SEC24B: variants seen among roughly 807,000 people sequenced by gnomAD.
The protein encoded by SEC24B is protein transport protein Sec24B.
In SEC24B, 45 loss-of-function variants were observed where a neutral mutation model predicts 142.8. The observed-to-expected ratio is 0.32, with a 90% CI of 0.25 to 0.40. The LOEUF (loss-of-function observed/expected upper bound fraction) is 0.40. Among genes scored for constraint, SEC24B ranks in the 10% least tolerant of loss-of-function variants. The pLI, the probability that SEC24B is intolerant of heterozygous loss-of-function variation, is 1.00. For synonymous variants in SEC24B, 574 were observed against 568.2 expected, an observed-to-expected ratio of 1.01 and a Z score of -0.15; for missense variants, 1,409 against 1,526.8, an observed-to-expected ratio of 0.92 and a Z score of 1.29.
intron 18 of SEC24B, among the ~76,000 whole-genome samples, chr4:109,528,498 A>T (rs1456422933): frequency 3.3e-5 from 5 of 151,962 alleles, no homozygotes; most frequent in Admixed American, 3.3e-4. Flanking sequence ...AGGGAAAATT[A>T]TCAAATGGTG....
chr4:109,444,362 C>T (rs561907202), intron 1 of SEC24B, among the ~76,000 whole-genome samples: 93 of 151,736 alleles, frequency 6.1e-4, no homozygotes, highest in African/African-American at 2.2e-3. Flanking sequence ...AAAAAGTACT[C>T]TGGTGGTGTT....
In SEC24B at chr4:109,486,267, G is replaced by C. The variant is rs145408432; in HGVS notation, c.1165+4486G>C. On this transcript the variant is annotated intron_variant, in intron 4 of 23. Transcript: ENST00000265175. ...CCTCAACTGTTAGGGAGTGGACATGGAGTTTGAGTTATAGCCTTTTCATGT... is the reference window on the plus strand; with the variant it reads ...CCTCAACTGTTAGGGAGTGGACATGCAGTTTGAGTTATAGCCTTTTCATGT... Among the ~76,000 whole-genome samples, 28 of 152,304 alleles carry C rather than the reference G, an allele frequency of 1.8e-4. No homozygotes were observed. In the East Asian group the frequency reaches 5.0e-3, roughly 27 times the overall value.
At chr4:109,516,759 A>C in intron 11 of SEC24B, 119 bp downstream of exon 11, 1 of 543,900 alleles carries the variant, frequency 1.8e-6, no homozygotes, top group Non-Finnish European at 3.2e-6. Context: ...AACTAAAAAG[A>C]GTACTACTTA....
intron 22 of SEC24B, among the ~76,000 whole-genome samples, chr4:109,536,122 C>T (rs1000042464): frequency 1.3e-5 from 2 of 151,516 alleles, no homozygotes; most frequent in Non-Finnish European, 2.9e-5. Flanking sequence ...ATTGGTAAAA[C>T]TCAACAAATG....
intron 13 of SEC24B, 50 bp downstream of exon 13, chr4:109,521,222 G>T: frequency 1.7e-6 from 2 of 1,169,638 alleles, no homozygotes; most frequent in Non-Finnish European, 2.5e-6. Context: ...TATTGTGACT[G>T]GTAACTAAAA....
chr4:109,488,384 G>T (rs1288665976), intron 4 of SEC24B, among the ~76,000 whole-genome samples: 1 of 151,994 alleles, frequency 6.6e-6, no homozygotes, highest in Non-Finnish European at 1.5e-5. Context: ...GTTGTTACTT[G>T]CATCTTTCTT....
At chr4:109,482,704 T>C (rs1280735913) in intron 4 of SEC24B, among the ~76,000 whole-genome samples, 1 of 151,136 alleles carries the variant, frequency 6.6e-6, no homozygotes, top group Non-Finnish European at 1.5e-5. Flanking sequence ...AGTGACACAA[T>C]CATGGCTCCT....
intron 19 of SEC24B, 80 bp downstream of exon 19, chr4:109,530,544 T>G (rs1051734978): frequency 7.0e-6 from 8 of 1,150,846 alleles, no homozygotes; most frequent in Middle Eastern, 2.0e-4. Flanking sequence ...AAATCTAGGT[T>G]GTTTTCTAAT....
chr4:109,520,827 T>C (rs1723525224), intron 12 of SEC24B, among the ~76,000 whole-genome samples: 1 of 152,148 alleles, frequency 6.6e-6, no homozygotes, highest in Non-Finnish European at 1.5e-5. Flanking sequence ...ACCCCGTCTC[T>C]GCTAAAAATG....
chr4:109,509,460 A>C (rs1022585642), intron 7 of SEC24B, among the ~76,000 whole-genome samples: 1 of 152,104 alleles, frequency 6.6e-6, no homozygotes, highest in Admixed American at 6.6e-5. Context: ...GATGGATCAC[A>C]AGGTCAGGAG....
At chr4:109,512,854 G>T (rs1737503762) in intron 9 of SEC24B, among the ~76,000 whole-genome samples, 1 of 151,440 alleles carries the variant, frequency 6.6e-6, no homozygotes, top group South Asian at 2.1e-4. Context: ...TAGAAATGGG[G>T]TCTCGCTATG....
chr4:109,446,239 T>C (rs1443081616), intron 1 of SEC24B, among the ~76,000 whole-genome samples: 1 of 152,148 alleles, frequency 6.6e-6, no homozygotes, highest in Non-Finnish European at 1.5e-5. Flanking sequence ...GCAGTTCTTA[T>C]TAGAGAGACA....
Position 109,474,582 on chromosome 4 carries a change from G to A in SEC24B, c.1060+1396G>A, listed in dbSNP as rs570168827. Among the ~76,000 whole-genome samples, 12 of 152,036 alleles carry A rather than the reference G, an allele frequency of 7.9e-5. No homozygotes were observed. The South Asian group carries it at 1.5e-3, about 18-fold the overall frequency. ...TGGGATTACAGGCGCACGCCACCTCGCCCTGCTAATTTTTGTATTTTTGGT... is the reference window on the plus strand; with the variant it reads ...TGGGATTACAGGCGCACGCCACCTCACCCTGCTAATTTTTGTATTTTTGGT... On this transcript the variant is annotated intron_variant, in intron 3 of 23. Coordinates refer to ENST00000265175, the MANE Select transcript of SEC24B (RefSeq NM_006323.5).
chr4:109,494,727 A>C lies in SEC24B; in HGVS notation c.1359A>C (p.Ser453=), dbSNP rs1724046171. The change falls in exon 6 of 24, where the codon TCA becomes TCC. Residue 453 remains serine, a synonymous_variant. Coordinates refer to ENST00000265175, the MANE Select transcript of SEC24B (RefSeq NM_006323.5). ...SAPAPVVPQP[S]KMAKPFGYGY... ...CAGCTCCTGTCGTCCCTCAGCCTTC[A>C]AAAATGGCTAAGCCTTTTGGCTATG... is the stretch of plus-strand genomic sequence containing the variant. 1 of 1,614,070 alleles carries C rather than the reference A, an allele frequency of 6.2e-7. No homozygotes were observed. Among genetic ancestry groups the C allele is most frequent in the South Asian group, 1.1e-5 (1 of 91,084 alleles).
At chr4:109,443,935 G>T (rs930105816) in intron 1 of SEC24B, among the ~76,000 whole-genome samples, 1 of 152,138 alleles carries the variant, frequency 6.6e-6, no homozygotes, top group East Asian at 1.9e-4. Flanking sequence ...ATGAAAGAAT[G>T]GTTTGGGCCC....
rs367886857 is a variant in SEC24B, at chr4:109,457,066, AAAGGCAAATATCATCTTAGT to A, written c.134-5833_134-5814del. On this transcript the variant is annotated intron_variant, in intron 1 of 23. Coordinates refer to ENST00000265175, the MANE Select transcript of SEC24B (RefSeq NM_006323.5). ...TTAGTATAATTGTCAACACAGTGAA[AAAGGCAAATATCATCTTAGT>A]ACTGTTATGAAAATAGTTTTTACTC... 4.5e-3 allele frequency among the ~76,000 whole-genome samples: 687 copies of A among 152,322 alleles called. 8 individuals are homozygous for A. The highest frequency in any genetic ancestry group is 0.033 in the Admixed American group (504 of 15,296).
intron 23 of SEC24B, among the ~76,000 whole-genome samples, chr4:109,538,878 A>G (rs951342008): frequency 6.6e-6 from 1 of 151,998 alleles, no homozygotes; most frequent in South Asian, 2.1e-4. Context: ...TGGACCTCCC[A>G]TGCTCAAGTA....
intron 3 of SEC24B, among the ~76,000 whole-genome samples, chr4:109,480,409 A>G (rs1279783885): frequency 6.6e-6 from 1 of 152,006 alleles, no homozygotes; most frequent in Non-Finnish European, 1.5e-5. Context: ...TTTTTTTTTC[A>G]AAGTAGAGCC....
intron 18 of SEC24B, among the ~76,000 whole-genome samples, chr4:109,527,640 C>G (rs1382092373): frequency 6.6e-6 from 1 of 151,916 alleles, no homozygotes; most frequent in African/African-American, 2.4e-5. Flanking sequence ...AGCGTGGTGG[C>G]AGGCGCCTGT....
Sources: gnomAD v4.1 joint callset for allele counts (sites outside exome capture counted in the v4.1 genomes callset) on GRCh38, gnomAD v4.1.1 for gene constraint, MANE v1.5 for transcripts, NCBI Gene and HGNC (gene_info 2026-07-23, HGNC 2026-07-21) for gene names.